HTD2: variants seen among roughly 807,000 people sequenced by gnomAD.
HTD2 encodes hydroxyacyl-thioester dehydratase type 2.
A neutral mutation model predicts 3.1 loss-of-function variants in HTD2; 1 was observed. That is an observed-to-expected ratio of 0.32 (90% confidence interval 0.11 to 1.52). The LOEUF (loss-of-function observed/expected upper bound fraction) is 1.52, where lower values mean the gene tolerates loss of function less well. Among genes scored for constraint, HTD2 ranks in the 40% most tolerant of loss-of-function variants. HTD2 has a pLI of 0.39. For synonymous variants in HTD2, 50 were observed against 28.9 expected (o/e 1.73, Z -2.34); for missense variants, 150 against 79.6 (o/e 1.88, Z -3.36).
In HTD2 at chr3:58,310,544, C is replaced by T; in HGVS notation, c.-378C>T. 1 of 1,612,294 alleles carries T rather than the reference C, an allele frequency of 6.2e-7. No homozygotes were observed. Among genetic ancestry groups the T allele is most frequent in the South Asian group, 1.1e-5 (1 of 90,760 alleles). The stretch of plus-strand genomic sequence containing the variant: ...TTGTGGAGTTGGACTGAATGCTGCA[C>T]AGTTCAAACAGCTGCTTATTTCGGC... On this transcript the variant is annotated 5_prime_UTR_variant, in exon 2 of 5. Transcript: ENST00000461393.
rs2097488470 is a variant in HTD2 at position 58,316,547 on chromosome 3, C to T, written c.-298C>T. On this transcript the variant is annotated 5_prime_UTR_variant, in exon 3 of 5. Transcript: ENST00000461393. Reference sequence around the variant, plus strand: ...CCGCCTTACCTTTGGACATCCTAACCTATGAAGAGAAGACCTTGTCAGCCA... The same window carrying T: ...CCGCCTTACCTTTGGACATCCTAACTTATGAAGAGAAGACCTTGTCAGCCA... 1 of 1,614,108 alleles carries T rather than the reference C, an allele frequency of 6.2e-7. No homozygotes were observed. The highest frequency in any genetic ancestry group is 1.1e-5 in the South Asian group (1 of 91,082).
Position 58,319,075 on chromosome 3 carries a change from T to C in HTD2, c.*955T>C, listed in dbSNP as rs535317099. On this transcript the variant is annotated 3_prime_UTR_variant, in exon 5 of 5. Coordinates refer to ENST00000461393, the MANE Select transcript of HTD2 (RefSeq NM_001348712.2). Reference sequence around the variant, plus strand: ...GATAACAAATCCCTACCTATAGCCATGTGGAAGCAGCTTGTCACTGTATTT... The same window carrying C: ...GATAACAAATCCCTACCTATAGCCACGTGGAAGCAGCTTGTCACTGTATTT... 6.6e-6 allele frequency: 1 copy of C among 152,248 alleles called. No individual in the cohort carries two copies. The highest frequency in any genetic ancestry group is 2.4e-5 in the African/African-American group (1 of 41,554). 9.4% of individuals were successfully genotyped at this position (152,248 alleles called of 1,614,324 possible). A position where few individuals can be genotyped will look rare whatever the true frequency, so the allele number is the denominator to read the frequency against.
chr3:58,307,342 C>A (rs538235812), intron 1 of HTD2, among the ~76,000 whole-genome samples: 2 of 152,138 alleles, frequency 1.3e-5, no homozygotes, highest in Non-Finnish European at 2.9e-5. Flanking sequence ...CACTGGCCGC[C>A]GTAGGGATGG....
intron 4 of HTD2, among the ~76,000 whole-genome samples, 188 bp from the exon 5 acceptor site, chr3:58,317,252 G>C (rs74957107): frequency 1.7e-4 from 26 of 152,168 alleles, no homozygotes; most frequent in Non-Finnish European, 2.8e-4. Flanking sequence ...TTAATGCCTT[G>C]TGTGTTATAT....
At position 58,316,898 on chromosome 3, in the gene HTD2, T is replaced by A. The variant is rs2097488846; in HGVS notation, c.-253-17T>A. ...TCTGTCTATGACACACTATGTATTT[T>A]CTTGATCTTTCTGCAGTGGTCTTGT... On this transcript the variant is annotated splice_polypyrimidine_tract_variant and intron_variant, in intron 3 of 4. Coordinates refer to ENST00000461393, the MANE Select transcript of HTD2 (RefSeq NM_001348712.2). 2 of 1,603,554 alleles carry A rather than the reference T, an allele frequency of 1.2e-6. No individual in the cohort carries two copies. The highest frequency in any genetic ancestry group is 1.3e-5 in the African/African-American group (1 of 74,698).
rs1456673508 is a variant in HTD2 at position 58,319,497 on chromosome 3, G to A, written c.*1377G>A. On this transcript the variant is annotated 3_prime_UTR_variant, in exon 5 of 5. Coordinates refer to ENST00000461393, the MANE Select transcript of HTD2 (RefSeq NM_001348712.2). ...GAAGCTGACTGGCCCACAGTTAAAC[G>A]TAACAGACCAGTTTTTCAGGGTGTC... is the stretch of plus-strand genomic sequence containing the variant. 1.3e-5 allele frequency: 2 copies of A among 152,094 alleles called. No individual in the cohort carries two copies. Among genetic ancestry groups the A allele is most frequent in the African/African-American group, 4.8e-5 (2 of 41,424 alleles). The allele number at this position is 152,094 out of a possible 1,614,324, so 9.4% of individuals were successfully genotyped here.
At position 58,319,279 on chromosome 3, in the gene HTD2, G is replaced by T. The variant is rs2097491914; in HGVS notation, c.*1159G>T. On this transcript the variant is annotated 3_prime_UTR_variant, in exon 5 of 5. Coordinates refer to ENST00000461393, the MANE Select transcript of HTD2 (RefSeq NM_001348712.2). ...CTTCAGTGAGACTTGCGTTTCAGGG[G>T]AGGGGCGTATGTGCATCCTCGGTCT... is the stretch of plus-strand genomic sequence containing the variant. 1 of 152,224 alleles carries T rather than the reference G, an allele frequency of 6.6e-6. No individual in the cohort carries two copies. Among genetic ancestry groups the T allele is most frequent in the Non-Finnish European group, 1.5e-5 (1 of 68,044 alleles). 9.4% of individuals were successfully genotyped at this position (152,224 alleles called of 1,614,324 possible).
chr3:58,307,067 A>G (rs989441321), intron 1 of HTD2, among the ~76,000 whole-genome samples: 2 of 152,176 alleles, frequency 1.3e-5, no homozygotes, highest in Non-Finnish European at 2.9e-5. Flanking sequence ...CTTTCCCAGC[A>G]TGGGGAAAAG....
chr3:58,313,879 G>C (rs1364651268), intron 2 of HTD2, among the ~76,000 whole-genome samples: 1 of 152,198 alleles, frequency 6.6e-6, no homozygotes, highest in African/African-American at 2.4e-5. Context: ...AAGGACTATA[G>C]TGTCTAGAAT....
chr3:58,314,209 G>A (rs1277316981), intron 2 of HTD2, among the ~76,000 whole-genome samples: 6 of 152,172 alleles, frequency 3.9e-5, no homozygotes, highest in Non-Finnish European at 8.8e-5. Flanking sequence ...AAACTAGCCG[G>A]GCGTGGTGGC....
At chr3:58,316,830 G>A (rs1382797339) in intron 3 of HTD2, 85 bp from the exon 4 acceptor site, 6 of 1,208,012 alleles carry the variant, frequency 5.0e-6, no homozygotes, top group Non-Finnish European at 7.2e-6. Flanking sequence ...TGCAAAGTCA[G>A]AAGTGAATAT....
intron 4 of HTD2, among the ~76,000 whole-genome samples, chr3:58,317,200 C>T (rs2097489199): frequency 6.6e-6 from 1 of 152,232 alleles, no homozygotes; most frequent in Non-Finnish European, 1.5e-5. Context: ...TGGGATAAAA[C>T]TTGCAACCCT....
chr3:58,318,732 G>GCT lies in HTD2; in HGVS notation c.*614_*615dup. On this transcript the variant is annotated 3_prime_UTR_variant, in exon 5 of 5. Coordinates refer to ENST00000461393, the MANE Select transcript of HTD2 (RefSeq NM_001348712.2). ...CTCTACTTTTAAATCAGGCGTGGCA[G>GCT]CTCACGCCTGTAATCCCAGCATTTT... 1 of 151,754 alleles carries GCT rather than the reference G, an allele frequency of 6.6e-6. No individual in the cohort carries two copies. The highest frequency in any genetic ancestry group is 6.6e-5 in the Admixed American group (1 of 15,214). 9.4% of individuals were successfully genotyped at this position (151,754 alleles called of 1,614,324 possible).
chr3:58,314,794 C>T (rs1325485162), intron 2 of HTD2, among the ~76,000 whole-genome samples: 2 of 147,420 alleles, frequency 1.4e-5, no homozygotes, highest in Non-Finnish European at 3.0e-5. Context: ...AGGCGATTCT[C>T]CTGTCTCAGC....
In HTD2 at chr3:58,320,071, G is replaced by A. The variant is rs901122343; in HGVS notation, c.*1951G>A. 3 of 152,038 alleles carry A rather than the reference G, an allele frequency of 2.0e-5. No homozygotes were observed. Among genetic ancestry groups the A allele is most frequent in the African/African-American group, 7.2e-5 (3 of 41,406 alleles). The allele number at this position is 152,038 out of a possible 1,614,324, so 9.4% of individuals were successfully genotyped here. On this transcript the variant is annotated 3_prime_UTR_variant, in exon 5 of 5. Coordinates refer to ENST00000461393, the MANE Select transcript of HTD2 (RefSeq NM_001348712.2). ...GACATTTCATAAAAGTTCATACAAT[G>A]TATGATCCTTTGGAACTGGCTTCTT...
intron 2 of HTD2, among the ~76,000 whole-genome samples, chr3:58,313,336 A>G (rs993954928): frequency 1.3e-5 from 2 of 152,196 alleles, no homozygotes; most frequent in Non-Finnish European, 2.9e-5. Flanking sequence ...TTATATTCTG[A>G]TTCAACTCAT....
At chr3:58,317,356 C>G in intron 4 of HTD2, 84 bp from the exon 5 acceptor site, 2 of 886,330 alleles carry the variant, frequency 2.3e-6, no homozygotes, top group African/African-American at 1.7e-5. Flanking sequence ...TTTGTTTATC[C>G]TGTAAAACTG....
chr3:58,316,909 C>T lies in HTD2; in HGVS notation c.-253-6C>T. 6.2e-7 allele frequency: 1 copy of T among 1,610,330 alleles called. No homozygotes were observed. Among genetic ancestry groups the T allele is most frequent in the Non-Finnish European group, 8.5e-7 (1 of 1,177,532 alleles). ...CACACTATGTATTTTCTTGATCTTT[C>T]TGCAGTGGTCTTGTCAAATTGTGGA... On this transcript the variant is annotated splice_polypyrimidine_tract_variant and splice_region_variant and intron_variant, in intron 3 of 4. Transcript: ENST00000461393.
rs374846251 is a variant in HTD2 at position 58,316,497 on chromosome 3, G to A, written c.-330-18G>A. On this transcript the variant is annotated intron_variant, in intron 2 of 4. Coordinates refer to ENST00000461393, the MANE Select transcript of HTD2 (RefSeq NM_001348712.2). Reference sequence around the variant, plus strand: ...TAATGGTGAGAATAGCCTGCTAATAGCATTATTCCATATGCAGGTTGATGC... The same window carrying A: ...TAATGGTGAGAATAGCCTGCTAATAACATTATTCCATATGCAGGTTGATGC... 8 of 1,606,294 alleles carry A rather than the reference G, an allele frequency of 5.0e-6. No homozygotes were observed. Among genetic ancestry groups the A allele is most frequent in the Non-Finnish European group, 6.8e-6 (8 of 1,173,052 alleles).
Sources: allele counts gnomAD v4.1 joint callset (sites outside exome capture counted in the v4.1 genomes callset), GRCh38; gene constraint gnomAD v4.1.1; transcripts MANE v1.5; gene names NCBI Gene and HGNC (gene_info 2026-07-23, HGNC 2026-07-21).